The following SUFU variants were observed in gnomAD, a reference collection of about 807,000 sequenced individuals.
The protein encoded by SUFU is suppressor of fused homolog.
In SUFU, 7 loss-of-function variants were observed where a neutral mutation model predicts 58.9. That is an observed-to-expected ratio of 0.12 (90% CI 0.07 to 0.22). SUFU has a LOEUF of 0.22. SUFU is among the 10% of genes least tolerant of loss of function. The probability of loss-of-function intolerance (pLI) is 1.00; values close to 1 mark genes in which losing one functional copy is unlikely to be tolerated. For synonymous variants in SUFU, 232 were observed against 254.8 expected (o/e 0.91, Z 0.85); for missense variants, 451 against 641.3 (o/e 0.70, Z 3.20).
At chr10:102,567,863 GC>G (rs1326294524) in intron 3 of SUFU, among the ~76,000 whole-genome samples, 1 of 152,050 alleles carries the variant, frequency 6.6e-6, no homozygotes, top group African/African-American at 2.4e-5. Flanking sequence ...ATATCCCCTA[GC>G]CCCAGGCCTA....
chr10:102,597,083 C>T, intron 6 of SUFU, 57 bp from the exon 7 acceptor site: 3 of 1,601,324 alleles, frequency 1.9e-6, no homozygotes, highest in Non-Finnish European at 2.6e-6. Flanking sequence ...AAAGGGTGGT[C>T]ACCTTGGGTC....
chr10:102,584,126 C>T (rs138485994), intron 3 of SUFU, among the ~76,000 whole-genome samples: 7 of 152,272 alleles, frequency 4.6e-5, no homozygotes, highest in South Asian at 4.1e-4. Flanking sequence ...TGAGTAGGCA[C>T]GCTATTTCCT....
chr10:102,508,497 AG>A (rs1255588981), intron 1 of SUFU, among the ~76,000 whole-genome samples: 2 of 152,160 alleles, frequency 1.3e-5, no homozygotes, highest in Non-Finnish European at 2.9e-5. Flanking sequence ...AGATGCTCAC[AG>A]GGCGCAGTTT....
intron 8 of SUFU, 78 bp from the exon 9 acceptor site, chr10:102,615,190 C>T: frequency 6.3e-7 from 1 of 1,596,156 alleles, no homozygotes; most frequent in Non-Finnish European, 8.6e-7. Context: ...TACTCAGGAG[C>T]CCAGCTGGAG....
At chr10:102,576,315 T>C (rs139212006) in intron 3 of SUFU, among the ~76,000 whole-genome samples, 3 of 152,194 alleles carry the variant, frequency 2.0e-5, no homozygotes, top group African/African-American at 4.8e-5. Flanking sequence ...ACCTATGAAA[T>C]GGTTTGGGTT....
intron 8 of SUFU, among the ~76,000 whole-genome samples, chr10:102,602,783 C>T (rs752513197): frequency 2.6e-5 from 4 of 152,198 alleles, no homozygotes; most frequent in Non-Finnish European, 5.9e-5. Context: ...ACTGCCTTCC[C>T]GGAAGGAGAG....
intron 3 of SUFU, among the ~76,000 whole-genome samples, chr10:102,581,090 G>T (rs955284005): frequency 1.4e-5 from 2 of 146,168 alleles, no homozygotes; most frequent in Non-Finnish European, 3.0e-5. Flanking sequence ...TGAGGCACGA[G>T]AATCACTTGA....
chr10:102,543,140 T>A (rs1056249600), intron 2 of SUFU, among the ~76,000 whole-genome samples: 3 of 152,206 alleles, frequency 2.0e-5, no homozygotes, highest in Non-Finnish European at 2.9e-5. Context: ...TGCCTAATTC[T>A]CCTCCATATA....
chr10:102,573,849 G>A (rs1177215083), intron 3 of SUFU, among the ~76,000 whole-genome samples: 1 of 152,058 alleles, frequency 6.6e-6, no homozygotes, highest in African/African-American at 2.4e-5. Flanking sequence ...GGGAGTTACT[G>A]TTTACTGTAT....
chr10:102,566,500 T>C (rs1439718561), intron 3 of SUFU, among the ~76,000 whole-genome samples: 1 of 151,984 alleles, frequency 6.6e-6, no homozygotes, highest in Non-Finnish European at 1.5e-5. Context: ...GCGCGGTAGC[T>C]CACGCCTATA....
intron 7 of SUFU, among the ~76,000 whole-genome samples, chr10:102,597,555 A>G (rs1322683499): frequency 6.6e-6 from 1 of 152,224 alleles, no homozygotes; most frequent in African/African-American, 2.4e-5. Flanking sequence ...GCCCTTTGCA[A>G]TCTGAGGTCA....
At chr10:102,589,789 C>T (rs1486427070) in intron 3 of SUFU, among the ~76,000 whole-genome samples, 1 of 152,092 alleles carries the variant, frequency 6.6e-6, no homozygotes, top group African/African-American at 2.4e-5. Context: ...TCCTGGCTTG[C>T]ACTCTAATAC....
intron 2 of SUFU, among the ~76,000 whole-genome samples, chr10:102,547,244 A>G (rs2062864752): frequency 6.6e-6 from 1 of 152,176 alleles, no homozygotes; most frequent in Admixed American, 6.5e-5. Flanking sequence ...TTTTAACTCT[A>G]GTCAATCTTG....
chr10:102,517,843 A>G (rs2062491797), intron 2 of SUFU, among the ~76,000 whole-genome samples: 1 of 152,148 alleles, frequency 6.6e-6, no homozygotes, highest in Admixed American at 6.5e-5. Context: ...TGTGCAGCAC[A>G]CTCACCAGCA....
Position 102,619,708 on chromosome 10 carries a change from C to G in SUFU, c.1296+2280C>G, listed in dbSNP as rs188889510. On this transcript the variant is annotated intron_variant, in intron 10 of 11. Transcript: ENST00000369902. The surrounding 1 kb of genome is among the most constrained non-coding windows in gnomAD (Gnocchi z 4.2). ...CCCTGCCAGGCAGTCAGCACTTTCT[C>G]CCTCTGACTGCCAGCCAGCCGCCCC... is the stretch of plus-strand genomic sequence containing the variant. Among the ~76,000 whole-genome samples the G allele has an allele frequency of 1.6e-3, 248 of 152,330 alleles. 1 individual carries two copies. The highest frequency in any genetic ancestry group is 5.8e-3 in the African/African-American group (243 of 41,576).
intron 2 of SUFU, among the ~76,000 whole-genome samples, chr10:102,528,435 G>A (rs1280127171): frequency 6.6e-6 from 1 of 152,078 alleles, no homozygotes; most frequent in South Asian, 2.1e-4. Flanking sequence ...GCCAGGCATG[G>A]TGGCATGTGT....
In SUFU at chr10:102,594,023, G is replaced by A. The variant is rs1163154516; in HGVS notation, c.714G>A (p.Met238Ile). ...GCGGCCCCTGGCTGATAACTGACAT[G>A]CGGAGGGGAGAGACCATATTTGAGA... ...IAGGPWLITD[M>I]RRGETIFEID... The change falls in exon 6 of 12, where the codon ATG (methionine) becomes ATA (isoleucine). Residue 238 changes from methionine (M) to isoleucine (I), a missense_variant. Physicochemically the swap from Met to Ile is conservative, Grantham distance 10 (BLOSUM62 1). Transcript: ENST00000369902. 4 of 1,614,052 alleles carry A rather than the reference G, an allele frequency of 2.5e-6. No homozygotes were observed. The Admixed American group carries it at 6.7e-5, about 27-fold the overall frequency.
chr10:102,629,036 A>C lies in SUFU; in HGVS notation c.1366-1030A>C, dbSNP rs1564712079. Among the ~76,000 whole-genome samples the C allele has an allele frequency of 6.6e-6, 1 of 152,128 alleles. No homozygotes were observed. Among genetic ancestry groups the C allele is most frequent in the South Asian group, 2.1e-4 (1 of 4,830 alleles). On this transcript the variant is annotated intron_variant, in intron 11 of 11. Coordinates refer to ENST00000369902, the MANE Select transcript of SUFU (RefSeq NM_016169.4). This position sits in a 1 kb window ranked among gnomAD's most constrained non-coding sequence, Gnocchi z 4.7. The stretch of plus-strand genomic sequence containing the variant: ...CCGGGCTTGGTGGTGCATGCCTGTA[A>C]TCTCAGCTACTCGGGAGGCTGAGGC...
intron 2 of SUFU, among the ~76,000 whole-genome samples, chr10:102,541,966 C>T (rs992906189): frequency 1.4e-5 from 2 of 147,812 alleles, no homozygotes; most frequent in African/African-American, 5.0e-5. Context: ...CTCACTGCAA[C>T]CTCTGCCTCC....
Sources: allele counts gnomAD v4.1 joint callset (sites outside exome capture counted in the v4.1 genomes callset), GRCh38; gene constraint gnomAD v4.1.1; non-coding constraint Gnocchi (gnomAD v3.1); transcripts MANE v1.5; gene names NCBI Gene and HGNC (gene_info 2026-07-23, HGNC 2026-07-21).